Variants in KLHL7 observed in about 807,000 individuals in gnomAD.
KLHL7 encodes kelch like family member 7, also known as kelch-like protein 7.
KLHL7 carries 44 observed loss-of-function variants against 67.4 expected under a neutral mutation model. The observed-to-expected ratio is 0.65, with a 90% CI of 0.51 to 0.84. The LOEUF is 0.84. KLHL7 is among the 40% of genes least tolerant of loss of function. The pLI is 0.00. For synonymous variants in KLHL7, 252 were observed against 243.3 expected, an observed-to-expected ratio of 1.04 and a Z score of -0.33; for missense variants, 362 against 718.1, an observed-to-expected ratio of 0.50 and a Z score of 5.67.
intron 1 of KLHL7, chr7:23,117,836 A>C (rs760989113): frequency 6.2e-7 from 1 of 1,608,756 alleles, no homozygotes; most frequent in Non-Finnish European, 8.5e-7. Context: ...GTTTTCAGTG[A>C]TTTAAATCTA....
chr7:23,125,380 C>T (rs1783529623), intron 4 of KLHL7, among the ~76,000 whole-genome samples: 1 of 152,142 alleles, frequency 6.6e-6, no homozygotes, highest in Non-Finnish European at 1.5e-5. Context: ...ATTATATCAA[C>T]ATTTTCTAAA....
At chr7:23,131,654 C>G (rs1206906457) in intron 4 of KLHL7, among the ~76,000 whole-genome samples, 1 of 151,610 alleles carries the variant, frequency 6.6e-6, no homozygotes, top group Non-Finnish European at 1.5e-5. Context: ...CAATTACACT[C>G]TAAGTTATTT....
At chr7:23,158,365 C>T (rs1784766905) in intron 7 of KLHL7, among the ~76,000 whole-genome samples, 1 of 152,022 alleles carries the variant, frequency 6.6e-6, no homozygotes. Context: ...CTGAGGTTAA[C>T]AGGGAATTCA....
intron 4 of KLHL7, chr7:23,129,449 G>T: frequency 2.7e-6 from 1 of 365,310 alleles, no homozygotes; most frequent in Non-Finnish European, 5.4e-6. Context: ...GGTTTTCCAA[G>T]GACACTGCCA....
At chr7:23,162,598 T>A (rs986820269) in intron 7 of KLHL7, among the ~76,000 whole-genome samples, 1 of 152,220 alleles carries the variant, frequency 6.6e-6, no homozygotes, top group Non-Finnish European at 1.5e-5. Flanking sequence ...TACCCAAGTT[T>A]CCCAGTTCCT....
chr7:23,118,030 A>G, intron 1 of KLHL7: 1 of 1,577,498 alleles, frequency 6.3e-7, no homozygotes, highest in South Asian at 1.1e-5. Context: ...AGTTGACTGC[A>G]TGCCTCTTAC....
chr7:23,164,171 C>G (rs1204447788), intron 7 of KLHL7, among the ~76,000 whole-genome samples: 3 of 147,996 alleles, frequency 2.0e-5, no homozygotes, highest in Non-Finnish European at 4.4e-5. Context: ...CACCCCCCGC[C>G]AACTACATAC....
At chr7:23,122,671 A>G (rs971490701) in intron 1 of KLHL7, among the ~76,000 whole-genome samples, 12 of 152,152 alleles carry the variant, frequency 7.9e-5, no homozygotes, top group Non-Finnish European at 1.6e-4. Flanking sequence ...CTAGCCTGCT[A>G]TTTGAGGCTT....
intron 1 of KLHL7, among the ~76,000 whole-genome samples, chr7:23,107,877 T>A (rs182136309): frequency 6.6e-6 from 1 of 152,346 alleles, no homozygotes; most frequent in Admixed American, 6.5e-5. Context: ...ATGTGCAGTT[T>A]CACTTCGCAA....
chr7:23,110,087 G>A (rs1320062918), intron 1 of KLHL7, among the ~76,000 whole-genome samples: 1 of 152,154 alleles, frequency 6.6e-6, no homozygotes, highest in African/African-American at 2.4e-5. Context: ...TAAGTGCTTG[G>A]CCACTAATTT....
Position 23,140,901 on chromosome 7 carries a change from A to G in KLHL7, c.575A>G (p.His192Arg). 1 of 1,614,090 alleles carries G rather than the reference A, an allele frequency of 6.2e-7. No homozygotes were observed. Among genetic ancestry groups the G allele is most frequent in the Non-Finnish European group, 8.5e-7 (1 of 1,180,018 alleles). Reference protein sequence around the residue: ...FLQLDVKRVTHLLNQDTLTVR... With the variant: ...FLQLDVKRVTRLLNQDTLTVR... ...CAACTTGATGTCAAGCGAGTAACAC[A>G]TCTTCTCAACCAGGACACTCTGACT... Residue 192 changes from histidine (H) to arginine (R), a missense_variant, in exon 5 of 11, where the codon CAT (histidine) becomes CGT (arginine). His to Arg is a conservative substitution (Grantham distance 29). This residue lies in a region of KLHL7 where 155 missense variants were observed against 280.8 expected (regional missense o/e 0.55). Transcript: ENST00000339077.
At chr7:23,140,582 A>AG (rs1784146395) in intron 4 of KLHL7, 187 bp from the exon 5 acceptor site, 1 of 680,590 alleles carries the variant, frequency 1.5e-6, no homozygotes, top group African/African-American at 1.8e-5. Flanking sequence ...AAAAAACAAA[A>AG]AAAAAACCAG....
chr7:23,150,190 A>T (rs539368484), intron 6 of KLHL7, among the ~76,000 whole-genome samples: 2 of 152,236 alleles, frequency 1.3e-5, no homozygotes, highest in East Asian at 1.9e-4. Context: ...GCCTTATTTT[A>T]TTTTTAGATT....
intron 4 of KLHL7, chr7:23,125,946 C>A: frequency 8.7e-7 from 1 of 1,151,398 alleles, no homozygotes; most frequent in Non-Finnish European, 1.3e-6. Flanking sequence ...CCTATATATA[C>A]TGTGTTTTTT....
At chr7:23,144,202 AC>A (rs1251096062) in intron 6 of KLHL7, among the ~76,000 whole-genome samples, 177 bp downstream of exon 6, 1 of 152,146 alleles carries the variant, frequency 6.6e-6, no homozygotes, top group East Asian at 1.9e-4. Flanking sequence ...CTTGGCCTCA[AC>A]CCTTATTTTA....
intron 7 of KLHL7, among the ~76,000 whole-genome samples, chr7:23,158,700 CACAT>C (rs1784776053): frequency 6.6e-6 from 1 of 152,186 alleles, no homozygotes; most frequent in South Asian, 2.1e-4. Flanking sequence ...ATATGAAAGA[CACAT>C]ACTACAGGAC....
chr7:23,158,093 T>C (rs1023962203), intron 7 of KLHL7, among the ~76,000 whole-genome samples: 1 of 152,132 alleles, frequency 6.6e-6, no homozygotes, highest in Non-Finnish European at 1.5e-5. Context: ...GCCTCTCTAG[T>C]AGTTGGGACT....
intron 7 of KLHL7, among the ~76,000 whole-genome samples, chr7:23,164,949 A>G (rs1302323481): frequency 6.6e-6 from 1 of 152,254 alleles, no homozygotes; most frequent in Non-Finnish European, 1.5e-5. Flanking sequence ...CCAAGATACT[A>G]TAACTTTAGG....
chr7:23,112,607 G>A (rs1010522917), intron 1 of KLHL7, among the ~76,000 whole-genome samples: 3 of 152,174 alleles, frequency 2.0e-5, no homozygotes, highest in Non-Finnish European at 2.9e-5. Flanking sequence ...TGGCCAAATG[G>A]TCTAAAGCAC....
Sources: allele counts gnomAD v4.1 joint callset (sites outside exome capture counted in the v4.1 genomes callset), GRCh38; gene constraint gnomAD v4.1.1; regional missense constraint gnomAD v4.1.1; transcripts MANE v1.5; gene names NCBI Gene and HGNC (gene_info 2026-07-23, HGNC 2026-07-21).